NRG3: variants seen among roughly 807,000 people sequenced by gnomAD.
The protein encoded by NRG3 is neuregulin 3.
NRG3 carries 31 observed loss-of-function variants against 66.9 expected under a neutral mutation model. The ratio of observed to expected loss-of-function variants is 0.46; its 90% confidence interval spans 0.35 to 0.63. NRG3 has a LOEUF of 0.63. Ranked by LOEUF, NRG3 falls within the 20% of genes least tolerant of loss-of-function variation. NRG3 has a pLI of 0.00. For synonymous variants in NRG3, 393 were observed against 359.4 expected (o/e 1.09, Z -1.06); for missense variants, 910 against 878.9 (o/e 1.04, Z -0.45).
chr10:82,741,402 A>G (rs1591376640), intron 3 of NRG3, among the ~76,000 whole-genome samples: 1 of 152,318 alleles, frequency 6.6e-6, no homozygotes, highest in East Asian at 1.9e-4. Context: ...TCCAGGCCTC[A>G]GGCTTTCACT....
intron 3 of NRG3, among the ~76,000 whole-genome samples, chr10:82,801,079 G>A (rs2061014582): frequency 6.6e-6 from 1 of 152,172 alleles, no homozygotes; most frequent in African/African-American, 2.4e-5. Flanking sequence ...ATGCAGCAAA[G>A]ATACTTCAAA....
intron 1 of NRG3, among the ~76,000 whole-genome samples, chr10:82,262,443 T>G (rs1257177932): frequency 1.3e-5 from 2 of 152,240 alleles, no homozygotes; most frequent in Non-Finnish European, 2.9e-5. Context: ...CTTGTTTTAC[T>G]GACTTGTAAG....
chr10:82,358,915 C>A, intron 2 of NRG3, 47 bp downstream of exon 2: 1 of 1,612,470 alleles, frequency 6.2e-7, no homozygotes, highest in East Asian at 2.2e-5. Context: ...CGTTGCAAGG[C>A]GTGGGGGTGG....
At chr10:82,378,659 C>T (rs2085417311) in intron 2 of NRG3, among the ~76,000 whole-genome samples, 2 of 152,092 alleles carry the variant, frequency 1.3e-5, no homozygotes, top group East Asian at 3.9e-4. Context: ...CAACCTCCAC[C>T]TCCTGGGTTC....
chr10:82,451,103 A>C (rs2091000232), intron 2 of NRG3, among the ~76,000 whole-genome samples: 1 of 152,200 alleles, frequency 6.6e-6, no homozygotes, highest in Admixed American at 6.5e-5. Flanking sequence ...TGTGTGCCAG[A>C]TGGTGGTCTA....
At chr10:82,335,590 G>A (rs2082347652) in intron 1 of NRG3, among the ~76,000 whole-genome samples, 1 of 152,076 alleles carries the variant, frequency 6.6e-6, no homozygotes, top group South Asian at 2.1e-4. Flanking sequence ...GCAGCATTGA[G>A]CCATGATCAT....
chr10:82,618,662 A>C (rs2048828300), intron 2 of NRG3, among the ~76,000 whole-genome samples: 1 of 152,176 alleles, frequency 6.6e-6, no homozygotes, highest in Non-Finnish European at 1.5e-5. Context: ...AAAAATTATA[A>C]AAAATATATA....
intron 1 of NRG3, among the ~76,000 whole-genome samples, chr10:81,876,803 C>T (rs1841705081): frequency 6.6e-6 from 1 of 152,018 alleles, no homozygotes; most frequent in South Asian, 2.1e-4. Flanking sequence ...AACTGACCTC[C>T]TAGCCTGCCT....
At chr10:82,664,639 G>A (rs758338861) in intron 2 of NRG3, among the ~76,000 whole-genome samples, 7 of 152,070 alleles carry the variant, frequency 4.6e-5, no homozygotes, top group Admixed American at 4.6e-4. Context: ...TATGGATGGA[G>A]GGTCTTCAGG....
chr10:82,888,969 C>A (rs559922016), intron 4 of NRG3, among the ~76,000 whole-genome samples: 3 of 152,066 alleles, frequency 2.0e-5, no homozygotes, highest in East Asian at 3.9e-4. Context: ...GCGGAATGAG[C>A]AAGGGGAGGA....
intron 1 of NRG3, among the ~76,000 whole-genome samples, chr10:81,973,943 T>G (rs145238858): frequency 6.6e-6 from 1 of 152,188 alleles, no homozygotes; most frequent in Non-Finnish European, 1.5e-5. Flanking sequence ...TTGCTTGTGT[T>G]GCAATTGCTT....
At chr10:82,214,337 T>C (rs1483172450) in intron 1 of NRG3, among the ~76,000 whole-genome samples, 1 of 152,160 alleles carries the variant, frequency 6.6e-6, no homozygotes, top group East Asian at 1.9e-4. Context: ...ATAATACTGC[T>C]TCTCTATCCT....
chr10:81,993,103 C>T (rs1181375581), intron 1 of NRG3, among the ~76,000 whole-genome samples: 1 of 152,116 alleles, frequency 6.6e-6, no homozygotes, highest in Non-Finnish European at 1.5e-5. Context: ...GTAACCTAGA[C>T]TAAGAATGAT....
intron 1 of NRG3, among the ~76,000 whole-genome samples, chr10:82,028,618 A>G (rs759507525): frequency 1.3e-5 from 2 of 152,098 alleles, no homozygotes; most frequent in African/African-American, 4.8e-5. Context: ...GCAGTTCCAC[A>G]GTGCAAAGCA....
intron 1 of NRG3, among the ~76,000 whole-genome samples, chr10:82,139,242 C>T: frequency 6.6e-6 from 1 of 152,046 alleles, no homozygotes; most frequent in East Asian, 1.9e-4. Flanking sequence ...AATGGTTATT[C>T]CACACATAAC....
At chr10:82,486,701 C>G (rs1163116162) in intron 2 of NRG3, among the ~76,000 whole-genome samples, 1 of 152,158 alleles carries the variant, frequency 6.6e-6, no homozygotes, top group Non-Finnish European at 1.5e-5. Flanking sequence ...CGTGAGCCAC[C>G]ACACCCGGCC....
chr10:82,597,670 C>A (rs1224123089), intron 2 of NRG3, among the ~76,000 whole-genome samples: 1 of 152,158 alleles, frequency 6.6e-6, no homozygotes, highest in Non-Finnish European at 1.5e-5. Context: ...TGCCTGTAAT[C>A]CCAGCACTTT....
At chr10:82,459,129 A>T (rs541414795) in intron 2 of NRG3, among the ~76,000 whole-genome samples, 2 of 152,290 alleles carry the variant, frequency 1.3e-5, no homozygotes, top group South Asian at 4.1e-4. Context: ...GCCACTGTAG[A>T]ATCAAAGCAC....
intron 4 of NRG3, among the ~76,000 whole-genome samples, chr10:82,931,747 G>T (rs1314622611): frequency 6.6e-6 from 1 of 151,980 alleles, no homozygotes; most frequent in Non-Finnish European, 1.5e-5. Context: ...GCTCAGTTTT[G>T]GTTTGCACGG....
Sources: allele counts gnomAD v4.1 joint callset (sites outside exome capture counted in the v4.1 genomes callset), GRCh38; gene constraint gnomAD v4.1.1; transcripts MANE v1.5; gene names NCBI Gene and HGNC (gene_info 2026-07-23, HGNC 2026-07-21).